Variants in RPL39L observed in about 807,000 individuals in gnomAD.
RPL39L encodes the protein ribosomal protein L39 like.
For synonymous variants in RPL39L, 16 were observed against 20.1 expected (o/e 0.80, Z 0.55); for missense variants, 48 against 58.9 (o/e 0.81, Z 0.61).
chr3:187,126,160 GTTTC>G (rs1231994806), intron 2 of RPL39L, among the ~76,000 whole-genome samples: 226 of 149,758 alleles, frequency 1.5e-3, no homozygotes, highest in African/African-American at 5.3e-3. Flanking sequence ...ACATCTATTG[GTTTC>G]TTTTTTTTTT....
intron 1 of RPL39L, among the ~76,000 whole-genome samples, chr3:187,135,745 C>A (rs2241177): frequency 3.3e-5 from 5 of 152,056 alleles, no homozygotes; most frequent in East Asian, 1.9e-4. Context: ...TCCATTTTGC[C>A]TTGCTATAAA....
intron 2 of RPL39L, among the ~76,000 whole-genome samples, chr3:187,127,064 T>A (rs1306761174): frequency 2.0e-5 from 3 of 152,192 alleles, no homozygotes; most frequent in Non-Finnish European, 4.4e-5. Flanking sequence ...GCCAGACAAT[T>A]ATTTCCACAA....
intron 1 of RPL39L, among the ~76,000 whole-genome samples, chr3:187,133,372 C>T (rs114745839): frequency 2.0e-5 from 3 of 152,074 alleles, no homozygotes; most frequent in Non-Finnish European, 2.9e-5. Flanking sequence ...AGTGGCACTT[C>T]CCCCTTCACT....
intron 1 of RPL39L, among the ~76,000 whole-genome samples, chr3:187,136,353 C>T (rs1261446838): frequency 1.3e-5 from 2 of 152,194 alleles, no homozygotes; most frequent in African/African-American, 4.8e-5. Flanking sequence ...TCCCTGATGA[C>T]ATCTTTCTTC....
chr3:187,121,026 A>T lies in RPL39L; in HGVS notation c.*119T>A, dbSNP rs1720298102. 1.7e-6 allele frequency: 2 copies of T among 1,143,432 alleles called. No individual in the cohort carries two copies. Among genetic ancestry groups the T allele is most frequent in the Non-Finnish European group, 2.6e-6 (2 of 784,102 alleles). The allele number at this position is 1,143,432 out of a possible 1,614,324, so 70.8% of individuals were successfully genotyped here. On this transcript the variant is annotated 3_prime_UTR_variant, in exon 3 of 3. Coordinates refer to ENST00000296277, the MANE Select transcript of RPL39L (RefSeq NM_052969.3). ...AGAGCATACAGAAAAACAGAAAAAA[A>T]TATTCCCAGTAAAACATGTGCAACT... is the stretch of plus-strand genomic sequence containing the variant.
At chr3:187,124,196 T>G (rs1210979682) in intron 2 of RPL39L, among the ~76,000 whole-genome samples, 1 of 152,178 alleles carries the variant, frequency 6.6e-6, no homozygotes, top group African/African-American at 2.4e-5. Context: ...ATTACATACC[T>G]CTGGCTATAT....
At chr3:187,137,982 T>C (rs1720614584) in intron 1 of RPL39L, among the ~76,000 whole-genome samples, 1 of 152,210 alleles carries the variant, frequency 6.6e-6, no homozygotes, top group Non-Finnish European at 1.5e-5. Context: ...TCAGGTTCTT[T>C]CTCTAAGCAA....
At chr3:187,123,781 T>G (rs1020011205) in intron 2 of RPL39L, among the ~76,000 whole-genome samples, 2 of 152,174 alleles carry the variant, frequency 1.3e-5, no homozygotes, top group Admixed American at 6.5e-5. Flanking sequence ...GACAAATAGT[T>G]TACTGTACTA....
chr3:187,132,741 C>T (rs542252890), intron 1 of RPL39L, among the ~76,000 whole-genome samples: 1 of 152,182 alleles, frequency 6.6e-6, no homozygotes, highest in Non-Finnish European at 1.5e-5. Flanking sequence ...AGAAGAACTA[C>T]GAAATAATTT....
At chr3:187,129,276 C>T (rs747204296) in intron 1 of RPL39L, among the ~76,000 whole-genome samples, 1 of 152,214 alleles carries the variant, frequency 6.6e-6, no homozygotes, top group Non-Finnish European at 1.5e-5. Flanking sequence ...AAATACATCT[C>T]CTAGGCGGAT....
chr3:187,131,304 A>G (rs1194994056), intron 1 of RPL39L, among the ~76,000 whole-genome samples: 1 of 151,952 alleles, frequency 6.6e-6, no homozygotes, highest in Non-Finnish European at 1.5e-5. Flanking sequence ...CACCTGCCTG[A>G]TTTTGGGAGG....
At chr3:187,135,558 G>A (rs148664103) in intron 1 of RPL39L, among the ~76,000 whole-genome samples, 25 of 152,278 alleles carry the variant, frequency 1.6e-4, no homozygotes, top group Middle Eastern at 6.8e-3. Context: ...ATGTGGTACC[G>A]TAAGCGCAAT....
At position 187,139,485 on chromosome 3, in the gene RPL39L, T is replaced by A. The variant is rs369530233; in HGVS notation, c.-365A>T. On this transcript the variant is annotated 5_prime_UTR_variant, in exon 1 of 3. Transcript: ENST00000296277. ...AGCAATTCAACCGCCGCGCGCCGGA[T>A]GCTAAGACCGCGATTTCCCCGGATG... The A allele has an allele frequency of 1.3e-5, 2 of 152,316 alleles. No homozygotes were observed. The highest frequency in any genetic ancestry group is 1.9e-4 in the East Asian group (1 of 5,170). 9.4% of individuals were successfully genotyped at this position (152,316 alleles called of 1,614,324 possible).
chr3:187,125,284 A>C (rs1203755410), intron 2 of RPL39L, among the ~76,000 whole-genome samples: 2 of 152,224 alleles, frequency 1.3e-5, no homozygotes, highest in Non-Finnish European at 2.9e-5. Context: ...TTGATTTTTA[A>C]GTGATAAGTT....
chr3:187,124,094 T>A (rs1041306084), intron 2 of RPL39L, among the ~76,000 whole-genome samples: 5 of 152,174 alleles, frequency 3.3e-5, no homozygotes, highest in Non-Finnish European at 5.9e-5. Flanking sequence ...CAGTTTTACC[T>A]TAAAAGGAAT....
At chr3:187,130,741 T>C (rs1379899722) in intron 1 of RPL39L, among the ~76,000 whole-genome samples, 2 of 152,224 alleles carry the variant, frequency 1.3e-5, no homozygotes, top group Admixed American at 6.5e-5. Flanking sequence ...TCTCAATCAT[T>C]TGACAAAAAT....
chr3:187,135,406 A>G (rs747321229), intron 1 of RPL39L, among the ~76,000 whole-genome samples: 1 of 152,156 alleles, frequency 6.6e-6, no homozygotes, highest in Non-Finnish European at 1.5e-5. Flanking sequence ...TGTTCTTGTG[A>G]TAGTGAATAA....
At chr3:187,130,197 G>C (rs1217465536) in intron 1 of RPL39L, among the ~76,000 whole-genome samples, 1 of 152,126 alleles carries the variant, frequency 6.6e-6, no homozygotes, top group Non-Finnish European at 1.5e-5. Flanking sequence ...AGTCATTTGT[G>C]AATCTACTTT....
intron 2 of RPL39L, among the ~76,000 whole-genome samples, chr3:187,123,781 TTACTG>T (rs1720352542): frequency 6.6e-6 from 1 of 152,174 alleles, no homozygotes; most frequent in African/African-American, 2.4e-5. Context: ...GACAAATAGT[TTACTG>T]TACTATTCCA....
Sources: gnomAD v4.1 joint callset for allele counts (sites outside exome capture counted in the v4.1 genomes callset) on GRCh38, gnomAD v4.1.1 for gene constraint, MANE v1.5 for transcripts, NCBI Gene and HGNC (gene_info 2026-07-23, HGNC 2026-07-21) for gene names.